The following DIP2B variants were observed in gnomAD, a reference collection of about 807,000 sequenced individuals.
DIP2B encodes DIP2 acetate--CoA ligase B (putative).
Under a neutral mutation model 198.0 loss-of-function variants are expected in DIP2B, and 76 were observed. The observed-to-expected ratio is 0.38, with a 90% CI of 0.32 to 0.46. The LOEUF (loss-of-function observed/expected upper bound fraction) is 0.46, where lower values mean the gene tolerates loss of function less well. Among genes scored for constraint, DIP2B ranks in the 20% least tolerant of loss-of-function variants. The probability of loss-of-function intolerance (pLI) is 0.99; values close to 1 mark genes in which losing one functional copy is unlikely to be tolerated. For synonymous variants in DIP2B, 701 were observed against 739.1 expected (o/e 0.95, Z 0.84); for missense variants, 1,559 against 1,978.4 (o/e 0.79, Z 4.02).
chr12:50,557,006 G>A lies in DIP2B; in HGVS notation c.100+51766G>A, dbSNP rs146696727. ...ATTACAGGCATGAGTCACCGCGCCC[G>A]GTGCATTTTTTTGTATTTTTAATGA... is the stretch of plus-strand genomic sequence containing the variant. On this transcript the variant is annotated intron_variant, in intron 1 of 37. Coordinates refer to ENST00000301180, the MANE Select transcript of DIP2B (RefSeq NM_173602.3). Among the ~76,000 whole-genome samples the A allele has an allele frequency of 1.9e-4, 29 of 152,106 alleles. 1 individual carries two copies. The East Asian group carries it at 5.0e-3, about 26-fold the overall frequency.
At chr12:50,684,509 T>C (rs1413892916) in intron 10 of DIP2B, among the ~76,000 whole-genome samples, 1 of 152,138 alleles carries the variant, frequency 6.6e-6, no homozygotes, top group African/African-American at 2.4e-5. Flanking sequence ...AAGAAGAAAT[T>C]GGCCAGGCAC....
In DIP2B at chr12:50,584,935, C is replaced by T. The variant is rs115901922; in HGVS notation, c.101-41041C>T. On this transcript the variant is annotated intron_variant, in intron 1 of 37. Transcript: ENST00000301180. ...GCTGCATTACATGTAGAATCAATTA[C>T]GACTCCTTCAGGAACCTGCCTGCTT... Among the ~76,000 whole-genome samples the T allele has an allele frequency of 1.5e-3, 223 of 152,280 alleles. 2 individuals are homozygous for T. The highest frequency in any genetic ancestry group is 4.6e-3 in the African/African-American group (192 of 41,546).
intron 19 of DIP2B, among the ~76,000 whole-genome samples, chr12:50,702,306 A>C (rs1003016479): frequency 1.3e-5 from 2 of 152,094 alleles, no homozygotes; most frequent in African/African-American, 4.8e-5. Flanking sequence ...AGATTGTGCC[A>C]CTGCACTCCA....
At chr12:50,516,766 G>A (rs1474415912) in intron 1 of DIP2B, among the ~76,000 whole-genome samples, 1 of 152,058 alleles carries the variant, frequency 6.6e-6, no homozygotes, top group African/African-American at 2.4e-5. Context: ...CCTGAGGTCA[G>A]GAGTTCGAGA....
At chr12:50,635,382 T>C (rs1938140187) in intron 2 of DIP2B, among the ~76,000 whole-genome samples, 1 of 152,238 alleles carries the variant, frequency 6.6e-6, no homozygotes, top group Non-Finnish European at 1.5e-5. Flanking sequence ...TTTTTAGGGA[T>C]AAATAATAAG....
chr12:50,578,405 C>A (rs1472246686), intron 1 of DIP2B, among the ~76,000 whole-genome samples: 1 of 151,742 alleles, frequency 6.6e-6, no homozygotes, highest in East Asian at 1.9e-4. Context: ...AATAGTTATA[C>A]GTACCTTCTA....
At position 50,747,590 on chromosome 12, in the gene DIP2B, C is replaced by T. The variant is rs551147803; in HGVS notation, c.*2751C>T. 6.6e-6 allele frequency: 1 copy of T among 152,370 alleles called. No individual in the cohort carries two copies. Among genetic ancestry groups the T allele is most frequent in the South Asian group, 2.1e-4 (1 of 4,830 alleles). 9.4% of individuals were successfully genotyped at this position (152,370 alleles called of 1,614,324 possible). The stretch of plus-strand genomic sequence containing the variant: ...GTAAGAAAATGTTCTCTTGATGACA[C>T]AGTGCTCCTACTCTATCCACATTAA... On this transcript the variant is annotated 3_prime_UTR_variant, in exon 38 of 38. Transcript: ENST00000301180.
intron 1 of DIP2B, among the ~76,000 whole-genome samples, chr12:50,582,480 G>A (rs1240689846): frequency 6.6e-6 from 1 of 152,088 alleles, no homozygotes. Context: ...TAGTTATTAA[G>A]GAAGCAGAGT....
At chr12:50,556,587 C>T (rs1476338972) in intron 1 of DIP2B, among the ~76,000 whole-genome samples, 11 of 150,856 alleles carry the variant, frequency 7.3e-5, no homozygotes, top group Non-Finnish European at 1.6e-4. Flanking sequence ...GGAGTCTCGC[C>T]CTGTCGCCCA....
intron 1 of DIP2B, among the ~76,000 whole-genome samples, chr12:50,570,200 T>C (rs80355929): frequency 4.2e-4 from 64 of 152,354 alleles, no homozygotes; most frequent in African/African-American, 1.4e-3. Flanking sequence ...AATCTTGATA[T>C]CTTGAAATCT....
intron 1 of DIP2B, among the ~76,000 whole-genome samples, chr12:50,593,356 T>C (rs1469722463): frequency 6.6e-6 from 1 of 152,002 alleles, no homozygotes; most frequent in East Asian, 1.9e-4. Context: ...AATACAAAAA[T>C]TAGCTAGGCG....
chr12:50,619,061 C>G (rs914776929), intron 1 of DIP2B, among the ~76,000 whole-genome samples: 3 of 152,144 alleles, frequency 2.0e-5, no homozygotes, highest in Admixed American at 6.5e-5. Context: ...CCACCCCTGA[C>G]TGCATAGCTG....
At chr12:50,554,097 C>T (rs1208518377) in intron 1 of DIP2B, among the ~76,000 whole-genome samples, 2 of 152,102 alleles carry the variant, frequency 1.3e-5, no homozygotes, top group African/African-American at 4.8e-5. Context: ...ACCTCTTCTA[C>T]CCAATTTTCT....
At chr12:50,520,016 A>C (rs1958101730) in intron 1 of DIP2B, among the ~76,000 whole-genome samples, 1 of 146,814 alleles carries the variant, frequency 6.8e-6, no homozygotes, top group African/African-American at 2.5e-5. Flanking sequence ...AGTGCTGACC[A>C]GTCTTGTCAT....
chr12:50,593,885 T>C (rs191404389), intron 1 of DIP2B, among the ~76,000 whole-genome samples: 20 of 8,100 alleles, frequency 2.5e-3, no homozygotes, highest in Admixed American at 3.8e-3. Flanking sequence ...TCCTCCCCTC[T>C]CCTCCCCTCC....
intron 1 of DIP2B, among the ~76,000 whole-genome samples, chr12:50,583,284 C>T (rs1187534597): frequency 6.7e-6 from 1 of 150,274 alleles, no homozygotes; most frequent in African/African-American, 2.4e-5. Context: ...CTCATCTTCC[C>T]TCCACCACAT....
chr12:50,586,864 T>G (rs1378151267), intron 1 of DIP2B, among the ~76,000 whole-genome samples: 1 of 152,240 alleles, frequency 6.6e-6, no homozygotes, highest in Non-Finnish European at 1.5e-5. Flanking sequence ...TGAGCCACTG[T>G]GCCCGGCAAA....
Position 50,505,019 on chromosome 12 carries a change from C to CGGCGGCGGCGGCGGCGGCGGCGGT in DIP2B, c.-117_-116insCGGCGGCGGCGGCGGCGGTGGCGG, listed in dbSNP as rs1555179948. 5 of 1,004,788 alleles carry CGGCGGCGGCGGCGGCGGCGGCGGT rather than the reference C, an allele frequency of 5.0e-6. No homozygotes were observed. The highest frequency in any genetic ancestry group is 1.4e-6 in the Non-Finnish European group (1 of 692,840). The allele number at this position is 1,004,788 out of a possible 1,614,324, so 62.2% of individuals were successfully genotyped here. ...TTGCTCATGGCGGCGGCGGCGGCGG[C>CGGCGGCGGCGGCGGCGGCGGCGGT]GGCGGTGCTGGTGGTGCTCGGCGGC... On this transcript the variant is annotated 5_prime_UTR_variant, in exon 1 of 38. Transcript: ENST00000301180.
At chr12:50,521,615 C>T (rs972783067) in intron 1 of DIP2B, among the ~76,000 whole-genome samples, 4 of 151,522 alleles carry the variant, frequency 2.6e-5, no homozygotes, top group Admixed American at 2.0e-4. Flanking sequence ...GCCTCAGCCT[C>T]CTGAGTAGCT....
Sources: allele counts gnomAD v4.1 joint callset (sites outside exome capture counted in the v4.1 genomes callset), GRCh38; gene constraint gnomAD v4.1.1; transcripts MANE v1.5; gene names NCBI Gene and HGNC (gene_info 2026-07-23, HGNC 2026-07-21).